Variants in ZNG1C observed in about 807,000 individuals in gnomAD.
The protein encoded by ZNG1C is zinc-regulated GTPase metalloprotein activator 1C.
chr9:68,297,262 T>C, the ZNG1C span, among the ~76,000 whole-genome samples: 1 of 148,498 alleles, frequency 6.7e-6, no homozygotes, highest in African/African-American at 2.5e-5. Flanking sequence ...GTGTTACATA[T>C]ATTCTTATTC....
the ZNG1C span, chr9:68,247,508 A>G: frequency 1.0e-5 from 16 of 1,594,278 alleles, no homozygotes; most frequent in Non-Finnish European, 1.4e-5. Flanking sequence ...TAAGTTATAA[A>G]ATGCAGTTTC....
the ZNG1C span, among the ~76,000 whole-genome samples, chr9:68,276,519 A>G: frequency 6.7e-6 from 1 of 148,358 alleles, no homozygotes; most frequent in East Asian, 1.9e-4. Flanking sequence ...AGCTTTCGAC[A>G]TATGGCTAGC....
chr9:68,281,575 AG>A, the ZNG1C span, among the ~76,000 whole-genome samples: 1 of 96,736 alleles, frequency 1.0e-5, no homozygotes, highest in Non-Finnish European at 2.3e-5. Flanking sequence ...AATGTGCAGC[AG>A]ATCTCTGGAA....
the ZNG1C span, among the ~76,000 whole-genome samples, chr9:68,297,096 C>A: frequency 6.7e-6 from 1 of 149,346 alleles, no homozygotes; most frequent in Admixed American, 6.7e-5. Flanking sequence ...TTATTCCTGG[C>A]TCTGGGTAGC....
chr9:68,257,721 T>C, the ZNG1C span, among the ~76,000 whole-genome samples: 1 of 119,540 alleles, frequency 8.4e-6, no homozygotes, highest in East Asian at 2.1e-4. Context: ...TGAACACTTT[T>C]GGGCAATGAT....
the ZNG1C span, chr9:68,272,362 A>G: frequency 8.5e-3 from 709 of 83,490 alleles, 3 homozygotes; most frequent in African/African-American, 0.03. Context: ...GAACTTTTGA[A>G]GCTTTTTCTT....
chr9:68,289,513 T>C, the ZNG1C span, among the ~76,000 whole-genome samples: 1 of 151,494 alleles, frequency 6.6e-6, no homozygotes, highest in African/African-American at 2.4e-5. Flanking sequence ...ATAGATATTA[T>C]ACAGGCAAAG....
At chr9:68,247,123 A>G in the ZNG1C span, among the ~76,000 whole-genome samples, 55 of 149,758 alleles carry the variant, frequency 3.7e-4, no homozygotes, top group African/African-American at 1.3e-3. Context: ...AGCACATGGT[A>G]CACTGGCCAA....
the ZNG1C span, among the ~76,000 whole-genome samples, chr9:68,297,237 G>GT: frequency 6.7e-6 from 1 of 149,372 alleles, no homozygotes; most frequent in African/African-American, 2.5e-5. Flanking sequence ...GCCCTGTGTA[G>GT]TGAGTACATT....
At chr9:68,294,277 G>C in the ZNG1C span, among the ~76,000 whole-genome samples, 1 of 111,026 alleles carries the variant, frequency 9.0e-6, no homozygotes, top group East Asian at 2.3e-4. Flanking sequence ...AGAGAAACAA[G>C]AACAAACCCA....
At chr9:68,286,072 TA>T in the ZNG1C span, 1 of 553,740 alleles carries the variant, frequency 1.8e-6, no homozygotes, top group African/African-American at 2.4e-5. Context: ...CCAAAATTTC[TA>T]ATCAATGTTT....
the ZNG1C span, among the ~76,000 whole-genome samples, chr9:68,291,885 G>A: frequency 7.0e-6 from 1 of 143,674 alleles, no homozygotes; most frequent in Non-Finnish European, 1.5e-5. Flanking sequence ...CACAAAAATA[G>A]TACATTAAAC....
At chr9:68,256,585 G>A in the ZNG1C span, among the ~76,000 whole-genome samples, 8 of 104,930 alleles carry the variant, frequency 7.6e-5, no homozygotes, top group East Asian at 5.1e-4. Context: ...AGTCTGATGT[G>A]CACAAAGCCA....
chr9:68,246,535 TAC>T, the ZNG1C span, among the ~76,000 whole-genome samples: 1 of 91,812 alleles, frequency 1.1e-5, no homozygotes, highest in African/African-American at 4.3e-5. Flanking sequence ...GCATTCTCAA[TAC>T]TTTTCTTCAT....
the ZNG1C span, among the ~76,000 whole-genome samples, chr9:68,247,054 G>A: frequency 6.6e-6 from 1 of 151,542 alleles, no homozygotes; most frequent in South Asian, 2.1e-4. Context: ...GGGTGGTCTC[G>A]ATCTCCTGAC....
chr9:68,270,800 G>C, the ZNG1C span: 1 of 150,952 alleles, frequency 6.6e-6, no homozygotes, highest in Non-Finnish European at 1.5e-5. Context: ...GGAGAATGGC[G>C]TGAACCCGGG....
chr9:68,287,169 G>A, the ZNG1C span, among the ~76,000 whole-genome samples: 198 of 149,200 alleles, frequency 1.3e-3, no homozygotes, highest in African/African-American at 4.8e-3. Context: ...CTTTTGCCTT[G>A]CATTAGTCTA....
the ZNG1C span, among the ~76,000 whole-genome samples, chr9:68,266,755 C>T: frequency 6.7e-6 from 1 of 148,726 alleles, no homozygotes; most frequent in Non-Finnish European, 1.5e-5. Context: ...TATTCTGTCT[C>T]TCCCCGCTTC....
chr9:68,256,088 G>A, the ZNG1C span, among the ~76,000 whole-genome samples: 1 of 152,282 alleles, frequency 6.6e-6, no homozygotes, highest in Non-Finnish European at 1.5e-5. Context: ...AGTGATGCTT[G>A]GGGGACCACA....
Sources: gnomAD v4.1 joint callset for allele counts (sites outside exome capture counted in the v4.1 genomes callset) on GRCh38, gnomAD v4.1.1 for gene constraint, MANE v1.5 for transcripts, NCBI Gene and HGNC (gene_info 2026-07-23, HGNC 2026-07-21) for gene names.